CEP70: variants seen among roughly 807,000 people sequenced by gnomAD.
CEP70 encodes the protein centrosomal protein of 70 kDa.
Under a neutral mutation model 90.9 loss-of-function variants are expected in CEP70, and 70 were observed. That is an observed-to-expected ratio of 0.77 (90% confidence interval 0.64 to 0.94). The LOEUF (loss-of-function observed/expected upper bound fraction) is 0.94. Among genes scored for constraint, CEP70 ranks in the 40% least tolerant of loss-of-function variants. The pLI is 0.00. For missense variants in CEP70, 648 were observed against 669.0 expected (o/e 0.97, Z 0.35); for synonymous variants, 220 against 228.3 (o/e 0.96, Z 0.33).
At chr3:138,586,817 T>G (rs2042125845) in intron 2 of CEP70, among the ~76,000 whole-genome samples, 1 of 152,176 alleles carries the variant, frequency 6.6e-6, no homozygotes, top group African/African-American at 2.4e-5. Flanking sequence ...CACTTTTAAG[T>G]AACTAAAAGA....
At chr3:138,592,806 C>T (rs561404880) in intron 1 of CEP70, among the ~76,000 whole-genome samples, 9 of 152,222 alleles carry the variant, frequency 5.9e-5, no homozygotes, top group Admixed American at 1.3e-4. Flanking sequence ...ACTGTTCCTT[C>T]TCAACTGAAT....
intron 6 of CEP70, among the ~76,000 whole-genome samples, chr3:138,557,522 T>C (rs2040103308): frequency 6.6e-6 from 1 of 152,238 alleles, no homozygotes; most frequent in Non-Finnish European, 1.5e-5. Context: ...ATAGAAGTAT[T>C]AATTTGGGGA....
intron 2 of CEP70, among the ~76,000 whole-genome samples, chr3:138,575,495 G>C (rs1341692079): frequency 2.0e-5 from 3 of 152,098 alleles, no homozygotes; most frequent in Non-Finnish European, 2.9e-5. Context: ...CAAAAGTGAT[G>C]GGGGGAATGG....
chr3:138,592,117 C>T (rs2042413023), intron 1 of CEP70, among the ~76,000 whole-genome samples, 161 bp from the exon 2 acceptor site: 1 of 152,210 alleles, frequency 6.6e-6, no homozygotes, highest in South Asian at 2.1e-4. Flanking sequence ...AGCTCACCAT[C>T]ATATGCCTCT....
At chr3:138,495,146 A>G (rs1417897676) in intron 17 of CEP70, 70 bp from the exon 18 acceptor site, 4 of 918,096 alleles carry the variant, frequency 4.4e-6, no homozygotes, top group East Asian at 5.0e-5. Context: ...TGAAACAAGA[A>G]CCTATATGCA....
chr3:138,509,750 C>T (rs1416332553), intron 11 of CEP70, among the ~76,000 whole-genome samples: 1 of 152,066 alleles, frequency 6.6e-6, no homozygotes, highest in Non-Finnish European at 1.5e-5. Flanking sequence ...TGCTGTCCCA[C>T]TCCATCCCAC....
chr3:138,495,828 G>T, intron 17 of CEP70: 1 of 944,362 alleles, frequency 1.1e-6, no homozygotes, highest in Non-Finnish European at 1.3e-6. Context: ...CTCTGGCCTG[G>T]GTGACAGAGA....
chr3:138,501,777 A>G (rs904105740), intron 13 of CEP70, among the ~76,000 whole-genome samples: 2 of 152,168 alleles, frequency 1.3e-5, no homozygotes, highest in Non-Finnish European at 2.9e-5. Flanking sequence ...CAATCGACAA[A>G]TATTTAGAAT....
intron 7 of CEP70, among the ~76,000 whole-genome samples, chr3:138,535,173 C>A (rs746218800): frequency 6.6e-6 from 1 of 152,192 alleles, no homozygotes; most frequent in Non-Finnish European, 1.5e-5. Flanking sequence ...ATGTTCCAGA[C>A]CTCTTGGACT....
intron 6 of CEP70, among the ~76,000 whole-genome samples, chr3:138,562,410 G>C (rs1238980192): frequency 6.6e-6 from 1 of 152,116 alleles, no homozygotes; most frequent in Non-Finnish European, 1.5e-5. Context: ...GTGATTGTCA[G>C]ATTCACCAAG....
At chr3:138,551,061 T>C (rs552388006) in intron 6 of CEP70, among the ~76,000 whole-genome samples, 9 of 152,182 alleles carry the variant, frequency 5.9e-5, no homozygotes, top group Non-Finnish European at 1.0e-4. Flanking sequence ...CCTAGGCACA[T>C]TGTCATCAGG....
chr3:138,557,239 T>C (rs2040079209), intron 6 of CEP70, among the ~76,000 whole-genome samples: 1 of 152,232 alleles, frequency 6.6e-6, no homozygotes, highest in African/African-American at 2.4e-5. Flanking sequence ...CTCTCTCTTA[T>C]TCCCTGAACA....
intron 11 of CEP70, among the ~76,000 whole-genome samples, chr3:138,522,294 T>TAA (rs71626068): frequency 5.7e-5 from 6 of 105,710 alleles, no homozygotes; most frequent in East Asian, 2.2e-4. Context: ...CTAAAAAAAT[T>TAA]AAAAAAAAAA....
At chr3:138,514,717 G>A (rs972245905) in intron 11 of CEP70, among the ~76,000 whole-genome samples, 6 of 151,578 alleles carry the variant, frequency 4.0e-5, no homozygotes, top group African/African-American at 1.5e-4. Context: ...ATTTTTTTAA[G>A]TTTTACCTTG....
chr3:138,588,417 TA>T (rs1470281087), intron 2 of CEP70, among the ~76,000 whole-genome samples: 2 of 152,254 alleles, frequency 1.3e-5, no homozygotes, highest in African/African-American at 4.8e-5. Context: ...CAACTGAACT[TA>T]AAAATGGTCA....
chr3:138,500,652 T>C, intron 14 of CEP70, 83 bp downstream of exon 14: 5 of 1,495,602 alleles, frequency 3.3e-6, no homozygotes, highest in Non-Finnish European at 4.5e-6. Context: ...AATAGAACTC[T>C]AGTAGAACAA....
At chr3:138,565,043 T>A (rs1214966567) in intron 6 of CEP70, among the ~76,000 whole-genome samples, 1 of 152,206 alleles carries the variant, frequency 6.6e-6, no homozygotes, top group Non-Finnish European at 1.5e-5. Flanking sequence ...AGCATTCCTA[T>A]ACACCAATAA....
At chr3:138,503,113 A>G (rs982279574) in intron 13 of CEP70, among the ~76,000 whole-genome samples, 1 of 152,220 alleles carries the variant, frequency 6.6e-6, no homozygotes, top group African/African-American at 2.4e-5. Context: ...TGCAACCAAC[A>G]TCACCATCCA....
intron 6 of CEP70, among the ~76,000 whole-genome samples, chr3:138,544,088 A>G (rs1164025712): frequency 6.6e-6 from 1 of 152,226 alleles, no homozygotes; most frequent in Admixed American, 6.5e-5. Flanking sequence ...CAGGAGTTCA[A>G]GACCAACCTG....
Sources: gnomAD v4.1 joint callset for allele counts (sites outside exome capture counted in the v4.1 genomes callset) on GRCh38, gnomAD v4.1.1 for gene constraint, MANE v1.5 for transcripts, NCBI Gene and HGNC (gene_info 2026-07-23, HGNC 2026-07-21) for gene names.